Variants in ZPBP observed in about 807,000 individuals in gnomAD.
ZPBP encodes zona pellucida-binding protein 1.
A neutral mutation model predicts 44.8 loss-of-function variants in ZPBP; 26 were observed. The observed-to-expected ratio is 0.58, with a 90% confidence interval of 0.43 to 0.81. The LOEUF is 0.81. Among genes scored for constraint, ZPBP ranks in the 30% least tolerant of loss-of-function variants. ZPBP has a pLI of 0.00. For missense variants in ZPBP, 409 were observed against 434.0 expected (o/e 0.94, Z 0.51); for synonymous variants, 174 against 153.2 (o/e 1.14, Z -1.00).
intron 3 of ZPBP, among the ~76,000 whole-genome samples, chr7:50,064,419 C>T (rs934933060): frequency 5.9e-5 from 9 of 152,210 alleles, no homozygotes; most frequent in South Asian, 2.1e-4. Flanking sequence ...TGAGATCAAC[C>T]GGTCTGACCA....
At chr7:50,007,513 C>G (rs1798360899) in intron 6 of ZPBP, among the ~76,000 whole-genome samples, 1 of 151,984 alleles carries the variant, frequency 6.6e-6, no homozygotes, top group Non-Finnish European at 1.5e-5. Flanking sequence ...CTGTAGAAGA[C>G]AGAAGCCTCT....
At chr7:49,962,973 G>A (rs1795914665) in intron 7 of ZPBP, among the ~76,000 whole-genome samples, 1 of 151,376 alleles carries the variant, frequency 6.6e-6, no homozygotes, top group South Asian at 2.1e-4. Flanking sequence ...AGAGCACATA[G>A]AGAGACCTGT....
chr7:50,019,978 G>A (rs1219446020), intron 5 of ZPBP, among the ~76,000 whole-genome samples: 1 of 151,566 alleles, frequency 6.6e-6, no homozygotes, highest in African/African-American at 2.4e-5. Context: ...AACCTGGAAG[G>A]TGGAGGTTGC....
chr7:49,884,477 A>G (rs896213211), intron 2 of ZPBP, among the ~76,000 whole-genome samples: 1 of 152,150 alleles, frequency 6.6e-6, no homozygotes, highest in Admixed American at 6.6e-5. Flanking sequence ...GGGGTAAGAA[A>G]GTCATCCTGA....
At chr7:49,954,626 T>C (rs1795492212) in intron 7 of ZPBP, among the ~76,000 whole-genome samples, 1 of 152,124 alleles carries the variant, frequency 6.6e-6, no homozygotes, top group Non-Finnish European at 1.5e-5. Context: ...TAAGAAATAT[T>C]ATCAGGAATA....
chr7:50,066,718 C>CT (rs1287405341), intron 3 of ZPBP, among the ~76,000 whole-genome samples: 1 of 152,190 alleles, frequency 6.6e-6, no homozygotes, highest in African/African-American at 2.4e-5. Flanking sequence ...GTCCTCTTAG[C>CT]TTCAGCTGTG....
chr7:49,981,622 T>TATTATATAATTATATAAATTATATATTA (rs1562820285), intron 7 of ZPBP, among the ~76,000 whole-genome samples: 1 of 9,536 alleles, frequency 1.0e-4, no homozygotes, highest in African/African-American at 5.0e-4. Flanking sequence ...TTATATTATA[T>TATTATATAATTATATAAATTATATATTA]TATATTATAT....
chr7:50,014,827 C>T (rs556878287), intron 6 of ZPBP, among the ~76,000 whole-genome samples: 2 of 152,040 alleles, frequency 1.3e-5, no homozygotes, highest in East Asian at 1.9e-4. Flanking sequence ...GACAAGTATG[C>T]CAAAGTAAAT....
chr7:50,042,877 T>C (rs1185855183), intron 4 of ZPBP, among the ~76,000 whole-genome samples: 3 of 152,114 alleles, frequency 2.0e-5, no homozygotes, highest in Non-Finnish European at 4.4e-5. Context: ...GAATGGCAAA[T>C]TGGAGATTCA....
intron 2 of ZPBP, among the ~76,000 whole-genome samples, chr7:49,883,248 C>A (rs1373704663): frequency 6.6e-6 from 1 of 152,116 alleles, no homozygotes; most frequent in Non-Finnish European, 1.5e-5. Context: ...AGGGAGGCGT[C>A]TTTCCAGAGC....
the ZPBP span, among the ~76,000 whole-genome samples, chr7:49,844,152 C>T: frequency 2.6e-5 from 4 of 152,142 alleles, no homozygotes; most frequent in African/African-American, 9.7e-5. Flanking sequence ...TGGACCGCAA[C>T]GTGGAAAGGT....
intron 5 of ZPBP, among the ~76,000 whole-genome samples, chr7:50,023,884 G>A (rs1799205140): frequency 1.3e-5 from 2 of 152,034 alleles, no homozygotes; most frequent in African/African-American, 4.8e-5. Flanking sequence ...GAGCCCATCA[G>A]TGGGGCTGGG....
intron 3 of ZPBP, among the ~76,000 whole-genome samples, chr7:50,076,708 A>G (rs1447764869): frequency 6.6e-5 from 10 of 151,782 alleles, no homozygotes; most frequent in Non-Finnish European, 1.5e-5. Flanking sequence ...AGATCTCTAT[A>G]ATGAAAACTA....
At chr7:49,944,009 CA>C in intron 7 of ZPBP, 1 of 276,558 alleles carries the variant, frequency 3.6e-6, no homozygotes. Context: ...GACATAGGGC[CA>C]AATGTAGTTT....
At chr7:49,938,829 A>G (rs893472896) in intron 7 of ZPBP, among the ~76,000 whole-genome samples, 1 of 152,230 alleles carries the variant, frequency 6.6e-6, no homozygotes, top group Non-Finnish European at 1.5e-5. Flanking sequence ...TCATGATTCA[A>G]TGATACAAGT....
chr7:49,961,900 G>A (rs962692309), intron 7 of ZPBP, among the ~76,000 whole-genome samples: 6 of 151,928 alleles, frequency 3.9e-5, no homozygotes, highest in African/African-American at 1.2e-4. Context: ...TTCAATGGAT[G>A]ATACATGTAC....
chr7:50,004,392 A>G (rs1798219415), intron 6 of ZPBP, among the ~76,000 whole-genome samples: 1 of 151,366 alleles, frequency 6.6e-6, no homozygotes, highest in Non-Finnish European at 1.5e-5. Context: ...TGAGGGCTAC[A>G]TTGTAGGCCT....
Position 49,983,385 on chromosome 7 carries a change from A to G in ZPBP, c.918T>C (p.Tyr306=), listed in dbSNP as rs772302274. The G allele has an allele frequency of 6.2e-7, 1 of 1,613,532 alleles. No homozygotes were observed. Among genetic ancestry groups the G allele is most frequent in the South Asian group, 1.1e-5 (1 of 91,068 alleles). The change falls in exon 7 of 8, where the codon TAT becomes TAC. Residue 306 remains tyrosine, a synonymous_variant. Coordinates refer to ENST00000046087, the MANE Select transcript of ZPBP (RefSeq NM_007009.3). ...TTGGATGTTGCTGGACATTCATTCC[A>G]TATCCTGGAAAGCAGCGATTAATCC... ...MVWINRCFPG[Y]GMNVQQHPKC... is the part of the protein sequence containing the mutation.
At chr7:49,996,470 C>T (rs1441468940) in intron 6 of ZPBP, among the ~76,000 whole-genome samples, 3 of 152,168 alleles carry the variant, frequency 2.0e-5, no homozygotes, top group Non-Finnish European at 4.4e-5. Flanking sequence ...GTCCATAAGT[C>T]CCTGGAAGAT....
Sources: gnomAD v4.1 joint callset for allele counts (sites outside exome capture counted in the v4.1 genomes callset) on GRCh38, gnomAD v4.1.1 for gene constraint, MANE v1.5 for transcripts, NCBI Gene and HGNC (gene_info 2026-07-23, HGNC 2026-07-21) for gene names.